EIF2AK4: variants seen among roughly 807,000 people sequenced by gnomAD.
The protein encoded by EIF2AK4 is eukaryotic translation initiation factor 2 alpha kinase 4, also known as eIF-2-alpha kinase GCN2.
In EIF2AK4, 139 loss-of-function variants were observed where a neutral mutation model predicts 211.1. The observed-to-expected ratio is 0.66, with a 90% CI of 0.57 to 0.76. EIF2AK4 has a LOEUF of 0.76. EIF2AK4 is among the 30% of genes least tolerant of loss of function. EIF2AK4 has a pLI of 0.00. For synonymous variants in EIF2AK4, 710 were observed against 751.3 expected (o/e 0.94, Z 0.90); for missense variants, 1,664 against 2,043.8 (o/e 0.81, Z 3.58).
intron 2 of EIF2AK4, among the ~76,000 whole-genome samples, chr15:39,940,371 A>G (rs2034128247): frequency 1.3e-5 from 2 of 152,210 alleles, no homozygotes; most frequent in South Asian, 4.1e-4. Flanking sequence ...AAATTATTGT[A>G]TGGGGAACCA....
chr15:39,960,945 A>G (rs1038014715), intron 6 of EIF2AK4, among the ~76,000 whole-genome samples: 6 of 152,228 alleles, frequency 3.9e-5, no homozygotes, highest in African/African-American at 1.4e-4. Flanking sequence ...TGAGAGGGTG[A>G]TCTCTCTAGA....
intron 6 of EIF2AK4, 43 bp downstream of exon 6, chr15:39,955,811 G>C (rs1277418486): frequency 1.3e-6 from 2 of 1,548,942 alleles, no homozygotes; most frequent in African/African-American, 2.8e-5. Flanking sequence ...GACAGATGTA[G>C]AAGGATTTTA....
At chr15:39,998,706 T>C in intron 19 of EIF2AK4, 25 bp from the exon 20 acceptor site, 1 of 1,601,790 alleles carries the variant, frequency 6.2e-7, no homozygotes, top group Non-Finnish European at 8.5e-7. Flanking sequence ...GCCAAAACCT[T>C]GCTGATTTGA....
At chr15:40,030,130 C>G (rs1000156286) in intron 34 of EIF2AK4, among the ~76,000 whole-genome samples, 3 of 152,152 alleles carry the variant, frequency 2.0e-5, no homozygotes, top group African/African-American at 7.2e-5. Context: ...CCACCACCCC[C>G]CAACCCCTGC....
At chr15:40,032,827 T>C (rs775737634) in intron 37 of EIF2AK4, 26 bp downstream of exon 37, 2 of 1,594,882 alleles carry the variant, frequency 1.3e-6, no homozygotes, top group Non-Finnish European at 1.7e-6. Flanking sequence ...TCTTCTGCAC[T>C]GTGGCCTTTA....
rs151088578 is a variant in EIF2AK4 at position 40,017,162 on chromosome 15, T to G, written c.3985T>G (p.Phe1329Val). Residue 1329 changes from phenylalanine to valine, a missense_variant, in exon 29 of 39, where the codon TTC (phenylalanine) becomes GTC (valine). This residue lies in a region of EIF2AK4 where 622 missense variants were observed against 796.8 expected (regional missense o/e 0.78). Transcript: ENST00000263791. ...GGTGCAGCAGCACAATGGAATCATC[T>G]TCCAGTTTGTGGCTTTCATCAAACG... The part of the protein sequence containing the change: ...YKVQQHNGII[F>V]QFVAFIKRRQ... 2.5e-5 allele frequency: 41 copies of G among 1,614,100 alleles called. No individual in the cohort carries two copies. In the East Asian group the frequency reaches 8.7e-4, roughly 34 times the overall value.
At chr15:39,971,234 TC>T (rs534123254) in intron 9 of EIF2AK4, among the ~76,000 whole-genome samples, 38 of 152,200 alleles carry the variant, frequency 2.5e-4, no homozygotes, top group African/African-American at 9.1e-4. Flanking sequence ...TTTTAAGTAT[TC>T]CAGCACAGCA....
chr15:40,020,836 T>C (rs1337423188), intron 30 of EIF2AK4, 63 bp from the exon 31 acceptor site: 2 of 1,455,516 alleles, frequency 1.4e-6, no homozygotes, highest in South Asian at 2.9e-5. Flanking sequence ...CTCCTGATGC[T>C]GGTTTCACTT....
At chr15:40,001,638 A>AG (rs2035093748) in intron 21 of EIF2AK4, among the ~76,000 whole-genome samples, 1 of 151,486 alleles carries the variant, frequency 6.6e-6, no homozygotes, top group Non-Finnish European at 1.5e-5. Flanking sequence ...CAACTCAAAA[A>AG]AAAAAAAAAA....
At position 39,953,128 on chromosome 15, in the gene EIF2AK4, G is replaced by A. The variant is rs514394; in HGVS notation, c.514-776G>A. Among the ~76,000 whole-genome samples, 1,264 of 152,316 alleles carry A rather than the reference G, an allele frequency of 8.3e-3. 18 individuals carry two copies. Among genetic ancestry groups the A allele is most frequent in the African/African-American group, 0.029 (1,217 of 41,560 alleles). On this transcript the variant is annotated intron_variant, in intron 4 of 38. Coordinates refer to ENST00000263791, the MANE Select transcript of EIF2AK4 (RefSeq NM_001013703.4). ...CCCAAAGTGCTGGGATTACAGGCAT[G>A]AGCTACCGCACCCTGCCGGGAGTCT...
chr15:39,949,892 C>A (rs932682651), intron 4 of EIF2AK4, among the ~76,000 whole-genome samples: 11 of 151,750 alleles, frequency 7.2e-5, no homozygotes, highest in African/African-American at 2.7e-4. Flanking sequence ...CAAATAGTTA[C>A]CATTTGTATT....
chr15:39,992,986 A>T, intron 18 of EIF2AK4, 138 bp downstream of exon 18: 2 of 785,492 alleles, frequency 2.5e-6, no homozygotes, highest in Admixed American at 2.2e-5. Context: ...CATGGTCCTA[A>T]GGATAGTGAC....
At chr15:39,997,758 A>G (rs2035036007) in intron 19 of EIF2AK4, among the ~76,000 whole-genome samples, 1 of 152,182 alleles carries the variant, frequency 6.6e-6, no homozygotes, top group African/African-American at 2.4e-5. Context: ...TTACTGCCTG[A>G]GCTAAAAAGG....
intron 14 of EIF2AK4, among the ~76,000 whole-genome samples, chr15:39,986,163 G>A (rs1373095178): frequency 6.6e-6 from 1 of 152,196 alleles, no homozygotes; most frequent in African/African-American, 2.4e-5. Flanking sequence ...ATGAACTCGG[G>A]CAAGGTTCTT....
chr15:40,028,676 T>C lies in EIF2AK4; in HGVS notation c.4503-730T>C, dbSNP rs2035498607. Among the ~76,000 whole-genome samples the C allele has an allele frequency of 2.0e-5, 3 of 152,202 alleles. No individual in the cohort carries two copies. The South Asian group carries it at 6.2e-4, about 32-fold the overall frequency. ...CTTATTTGCACCTAGCCTTAATAAA[T>C]TCACCATTAGGTGTTTCTGAGGGAA... On this transcript the variant is annotated intron_variant, in intron 33 of 38. Coordinates refer to ENST00000263791, the MANE Select transcript of EIF2AK4 (RefSeq NM_001013703.4).
At chr15:39,968,043 A>C (rs755949465) in intron 9 of EIF2AK4, among the ~76,000 whole-genome samples, 164 bp downstream of exon 9, 7 of 152,182 alleles carry the variant, frequency 4.6e-5, no homozygotes, top group African/African-American at 9.6e-5. Context: ...CTGTTTTCTC[A>C]TGTAGGTTGG....
chr15:40,019,272 C>A, intron 30 of EIF2AK4, 72 bp downstream of exon 30: 1 of 1,188,080 alleles, frequency 8.4e-7, no homozygotes, highest in Non-Finnish European at 1.2e-6. Flanking sequence ...TTGCCTTTTG[C>A]AGTCATTTAC....
At chr15:39,969,905 C>T (rs1454633501) in intron 9 of EIF2AK4, among the ~76,000 whole-genome samples, 1 of 152,160 alleles carries the variant, frequency 6.6e-6, no homozygotes, top group Non-Finnish European at 1.5e-5. Flanking sequence ...TCAAATCAGC[C>T]TCTGTGATGG....
chr15:39,969,024 TTAAACA>T (rs2034584010), intron 9 of EIF2AK4, among the ~76,000 whole-genome samples: 1 of 152,106 alleles, frequency 6.6e-6, no homozygotes, highest in South Asian at 2.1e-4. Flanking sequence ...CAATGGAGCT[TTAAACA>T]TATTTATTTA....
Sources: gnomAD v4.1 joint callset for allele counts (sites outside exome capture counted in the v4.1 genomes callset) on GRCh38, gnomAD v4.1.1 for gene constraint, gnomAD v4.1.1 regional missense constraint, MANE v1.5 for transcripts, NCBI Gene and HGNC (gene_info 2026-07-23, HGNC 2026-07-21) for gene names.